Variants in NETO1 observed in about 807,000 individuals in gnomAD.
NETO1 encodes neuropilin and tolloid-like protein 1.
Under a neutral mutation model 61.3 loss-of-function variants are expected in NETO1, and 26 were observed. The ratio of observed to expected loss-of-function variants is 0.42; its 90% CI spans 0.31 to 0.59. NETO1 has a LOEUF of 0.59. NETO1 is among the 20% of genes least tolerant of loss of function. The pLI, the probability that NETO1 is intolerant of heterozygous loss-of-function variation, is 0.12. For missense variants in NETO1, 531 were observed against 662.8 expected (o/e 0.80, Z 2.18); for synonymous variants, 225 against 225.8 (o/e 1.00, Z 0.03).
intron 7 of NETO1, among the ~76,000 whole-genome samples, chr18:72,780,232 A>C (rs999592343): frequency 7.2e-5 from 11 of 152,242 alleles, no homozygotes; most frequent in Non-Finnish European, 1.6e-4. Flanking sequence ...TGTAAAACTC[A>C]TCATTTGAAG....
chr18:72,821,250 A>AAAAAAAAAAAAAAAAAAAAAAG (rs2073186770), intron 4 of NETO1, among the ~76,000 whole-genome samples: 1 of 150,772 alleles, frequency 6.6e-6, no homozygotes, highest in Non-Finnish European at 1.5e-5. Context: ...AAAAAAAAAA[A>AAAAAAAAAAAAAAAAAAAAAAG]AAAAAAATGG....
At chr18:72,802,034 T>C (rs923863102) in intron 4 of NETO1, among the ~76,000 whole-genome samples, 6 of 152,074 alleles carry the variant, frequency 3.9e-5, no homozygotes, top group Non-Finnish European at 7.4e-5. Context: ...AATGAAAATA[T>C]GAGAAAATGT....
chr18:72,760,713 G>T (rs2070942765), intron 7 of NETO1, among the ~76,000 whole-genome samples: 2 of 152,142 alleles, frequency 1.3e-5, no homozygotes, highest in Admixed American at 1.3e-4. Flanking sequence ...ATAATGCACA[G>T]AATGCCGTAT....
chr18:72,795,186 T>C (rs2072268459), intron 4 of NETO1, among the ~76,000 whole-genome samples: 1 of 152,342 alleles, frequency 6.6e-6, no homozygotes, highest in Admixed American at 6.5e-5. Context: ...TCGTTCTTGT[T>C]CCTGGAATTG....
At position 72,819,195 on chromosome 18, in the gene NETO1, G is replaced by C. The variant is rs541497838; in HGVS notation, c.470-24791C>G. Reference sequence around the variant, plus strand: ...CTCTCTCAAACTTCCTTCCACCTTAGTTTAGGTGGAAGCCCACAGCCTCTG... The same window carrying C: ...CTCTCTCAAACTTCCTTCCACCTTACTTTAGGTGGAAGCCCACAGCCTCTG... On this transcript the variant is annotated intron_variant, in intron 4 of 10. Coordinates refer to ENST00000327305, the MANE Select transcript of NETO1 (RefSeq NM_138966.5). Among the ~76,000 whole-genome samples, 22 of 151,892 alleles carry C rather than the reference G, an allele frequency of 1.4e-4. No individual in the cohort carries two copies. The South Asian group carries it at 4.6e-3, about 32-fold the overall frequency.
rs748816277 is a variant in NETO1 at position 72,762,669 on chromosome 18, T to C, written c.869-6522A>G. Among the ~76,000 whole-genome samples, 52 of 152,234 alleles carry C rather than the reference T, an allele frequency of 3.4e-4. 2 individuals are homozygous for C. The highest frequency in any genetic ancestry group is 4.1e-4 in the Non-Finnish European group (28 of 68,048). ...CCTTTGCTTTGCTCTATTGCTTCAT[T>C]ACTCTTGAATTCTGTTTTTAAACCC... On this transcript the variant is annotated intron_variant, in intron 7 of 10. Transcript: ENST00000327305.
intron 3 of NETO1, among the ~76,000 whole-genome samples, chr18:72,859,682 C>T (rs78524254): frequency 0.024 from 3,717 of 152,270 alleles, 119 homozygotes; most frequent in East Asian, 0.1. Context: ...ACCCTATCCC[C>T]TCACAGAGAG....
chr18:72,780,100 G>A (rs531211952), intron 7 of NETO1, among the ~76,000 whole-genome samples: 2 of 152,152 alleles, frequency 1.3e-5, no homozygotes, highest in Non-Finnish European at 2.9e-5. Flanking sequence ...TTGAACACAG[G>A]AATTTTTGAA....
At chr18:72,787,867 A>G (rs1468944599) in intron 6 of NETO1, among the ~76,000 whole-genome samples, 2 of 152,202 alleles carry the variant, frequency 1.3e-5, no homozygotes, top group African/African-American at 2.4e-5. Flanking sequence ...CTTAAAGAAA[A>G]CAATCAAAAA....
chr18:72,764,857 G>A (rs952638035), intron 7 of NETO1, among the ~76,000 whole-genome samples: 2 of 152,030 alleles, frequency 1.3e-5, no homozygotes, highest in South Asian at 4.2e-4. Context: ...CCATCCTTGG[G>A]TCCTTTCTTC....
At chr18:72,787,439 CA>C (rs1452942167) in intron 6 of NETO1, among the ~76,000 whole-genome samples, 1 of 151,362 alleles carries the variant, frequency 6.6e-6, no homozygotes, top group East Asian at 1.9e-4. Context: ...TTGGCTAATA[CA>C]AAAAAAAGCT....
intron 4 of NETO1, among the ~76,000 whole-genome samples, chr18:72,798,982 G>A (rs143662586): frequency 1.6e-3 from 245 of 152,238 alleles, no homozygotes; most frequent in African/African-American, 5.3e-3. Context: ...CAACTTCAGC[G>A]TTATTTAAAA....
intron 4 of NETO1, among the ~76,000 whole-genome samples, chr18:72,831,467 A>G (rs1218228083): frequency 6.6e-6 from 1 of 152,242 alleles, no homozygotes; most frequent in Non-Finnish European, 1.5e-5. Context: ...CATATGTTAT[A>G]AATTTTAACA....
At chr18:72,792,880 C>T (rs1301174268) in intron 6 of NETO1, among the ~76,000 whole-genome samples, 1 of 151,966 alleles carries the variant, frequency 6.6e-6, no homozygotes, top group African/African-American at 2.4e-5. Context: ...AGATGCTATT[C>T]CCTCTGTCTG....
In NETO1 at chr18:72,841,733, C is replaced by CAAAGAAAA. The variant is rs1341296691; in HGVS notation, c.469+17092_469+17093insTTTTCTTT. On this transcript the variant is annotated intron_variant, in intron 4 of 10. Coordinates refer to ENST00000327305, the MANE Select transcript of NETO1 (RefSeq NM_138966.5). ...TGGGAGACAGAGTGAGACTCTACCT[C>CAAAGAAAA]AACAAAAAAAAAAAAAAAAAAAAAG... 2.8e-5 allele frequency among the ~76,000 whole-genome samples: 2 copies of CAAAGAAAA among 70,992 alleles called. 1 individual carries two copies. Among genetic ancestry groups the CAAAGAAAA allele is most frequent in the Non-Finnish European group, 5.2e-5 (2 of 38,280 alleles). The allele number at this position is 70,992 out of a possible 152,430, so 46.6% of individuals were successfully genotyped here. A position where few individuals can be genotyped will look rare whatever the true frequency, so the allele number is the denominator to read the frequency against.
chr18:72,837,271 C>T (rs1451643986), intron 4 of NETO1, among the ~76,000 whole-genome samples: 1 of 152,096 alleles, frequency 6.6e-6, no homozygotes, highest in Non-Finnish European at 1.5e-5. Context: ...CAGGGTACAT[C>T]TAGGGAATTC....
chr18:72,849,750 T>G (rs2074194468), intron 4 of NETO1, among the ~76,000 whole-genome samples: 1 of 152,226 alleles, frequency 6.6e-6, no homozygotes, highest in Admixed American at 6.5e-5. Flanking sequence ...GTCAGAAATC[T>G]GAATGGGTCT....
At chr18:72,820,941 T>C (rs950499634) in intron 4 of NETO1, among the ~76,000 whole-genome samples, 4 of 152,102 alleles carry the variant, frequency 2.6e-5, no homozygotes, top group African/African-American at 9.7e-5. Context: ...TTCCTCATAA[T>C]AAATCTCTAG....
chr18:72,861,673 C>T (rs750138759), intron 3 of NETO1, among the ~76,000 whole-genome samples: 12 of 152,166 alleles, frequency 7.9e-5, no homozygotes, highest in Non-Finnish European at 1.5e-4. Flanking sequence ...TCCTCTTTTT[C>T]GTGACTGGGA....
Sources: allele counts gnomAD v4.1 joint callset (sites outside exome capture counted in the v4.1 genomes callset), GRCh38; gene constraint gnomAD v4.1.1; transcripts MANE v1.5; gene names NCBI Gene and HGNC (gene_info 2026-07-23, HGNC 2026-07-21).